ACOXL: variants seen among roughly 807,000 people sequenced by gnomAD.
ACOXL encodes acyl-coenzyme A oxidase-like protein.
Under a neutral mutation model 71.9 loss-of-function variants are expected in ACOXL, and 70 were observed. The ratio of observed to expected loss-of-function variants is 0.97; its 90% CI spans 0.80 to 1.19. The LOEUF is 1.19. Ranked by LOEUF, ACOXL falls within the 50% of genes most tolerant of loss-of-function variation. The pLI is 0.00. For missense variants in ACOXL, 703 were observed against 736.3 expected (o/e 0.95, Z 0.52); for synonymous variants, 253 against 281.6 (o/e 0.90, Z 1.02).
chr2:111,084,975 G>A (rs1261114701), intron 16 of ACOXL, among the ~76,000 whole-genome samples: 3 of 147,588 alleles, frequency 2.0e-5, no homozygotes, highest in African/African-American at 7.4e-5. Flanking sequence ...AAATTTTAAA[G>A]ACAAAGAAGG....
intron 16 of ACOXL, among the ~76,000 whole-genome samples, chr2:111,073,636 C>T (rs2067449948): frequency 6.6e-6 from 1 of 152,158 alleles, no homozygotes; most frequent in Admixed American, 6.5e-5. Flanking sequence ...GTATATTTCT[C>T]AACCACACTA....
Position 110,875,092 on chromosome 2 carries a change from G to A in ACOXL, c.788+33687G>A, listed in dbSNP as rs542382712. 2.4e-4 allele frequency among the ~76,000 whole-genome samples: 36 copies of A among 152,264 alleles called. 1 individual carries two copies. Among genetic ancestry groups the A allele is most frequent in the South Asian group, 1.5e-3 (7 of 4,814 alleles). ...GTAACCTGAAGGCAGCCTCTGAGCC[G>A]GTCCCTTGTCTGCACGCAGGCCAAT... is the stretch of plus-strand genomic sequence containing the variant. On this transcript the variant is annotated intron_variant, in intron 10 of 17. Coordinates refer to ENST00000439055, the MANE Select transcript of ACOXL (RefSeq NM_001142807.4).
At chr2:111,068,823 G>C (rs892873533) in intron 16 of ACOXL, among the ~76,000 whole-genome samples, 1 of 152,074 alleles carries the variant, frequency 6.6e-6, no homozygotes. Flanking sequence ...AGCTCATTCT[G>C]GCCTTTCTTT....
At position 111,092,901 on chromosome 2, in the gene ACOXL, G is replaced by A; in HGVS notation, c.1477G>A (p.Glu493Lys). ...LLYGTKLVFQERAWYLEHKYL... is the reference protein window; with the variant it reads ...LLYGTKLVFQKRAWYLEHKYL... ...GTATGGAACCAAGCTGGTGTTTCAG[G>A]AGCGGGCCTGGTATTTAGAACATAA... The change falls in exon 17 of 18, where the codon GAG becomes AAG. Residue 493 changes from glutamate to lysine, a missense_variant. Coordinates refer to ENST00000439055, the MANE Select transcript of ACOXL (RefSeq NM_001142807.4). The A allele has an allele frequency of 1.2e-6, 2 of 1,613,986 alleles. No homozygotes were observed. The highest frequency in any genetic ancestry group is 1.7e-6 in the Non-Finnish European group (2 of 1,179,996).
chr2:110,767,979 C>CAA (rs1491342557), intron 1 of ACOXL, among the ~76,000 whole-genome samples: 1 of 132,078 alleles, frequency 7.6e-6, no homozygotes, highest in Non-Finnish European at 1.6e-5. Context: ...CACACACACA[C>CAA]AAATTAGCTG....
chr2:110,903,109 C>T (rs1408351397), intron 10 of ACOXL, among the ~76,000 whole-genome samples: 2 of 152,244 alleles, frequency 1.3e-5, no homozygotes, highest in African/African-American at 4.8e-5. Flanking sequence ...AGCCCCAAAG[C>T]TCCTCTCCTT....
intron 10 of ACOXL, among the ~76,000 whole-genome samples, chr2:110,858,486 G>A (rs538029178): frequency 6.6e-6 from 1 of 152,322 alleles, no homozygotes; most frequent in East Asian, 1.9e-4. Flanking sequence ...TAGATTTCTG[G>A]GGTAAGATAA....
chr2:111,033,946 A>T (rs1377276354), intron 15 of ACOXL, among the ~76,000 whole-genome samples: 2 of 152,240 alleles, frequency 1.3e-5, no homozygotes, highest in East Asian at 1.9e-4. Context: ...GGAAGGGGGA[A>T]GTCAAAGAAT....
At chr2:111,116,094 G>T (rs918772463) in intron 17 of ACOXL, among the ~76,000 whole-genome samples, 11 of 152,106 alleles carry the variant, frequency 7.2e-5, no homozygotes, top group Admixed American at 7.2e-4. Context: ...AAATTATCTT[G>T]AATAATCATA....
intron 14 of ACOXL, 121 bp from the exon 15 acceptor site, chr2:111,031,506 C>T (rs551836308): frequency 2.4e-6 from 2 of 823,916 alleles, no homozygotes; most frequent in Non-Finnish European, 4.0e-6. Flanking sequence ...ACAGAAGGTT[C>T]TGCACTGTGT....
chr2:110,879,690 A>G (rs1696377469), intron 10 of ACOXL, among the ~76,000 whole-genome samples: 2 of 152,164 alleles, frequency 1.3e-5, no homozygotes, highest in Admixed American at 1.3e-4. Context: ...TGTGAGGTGC[A>G]TGTCTGGAGC....
chr2:110,909,139 T>A (rs1249155549), intron 11 of ACOXL, among the ~76,000 whole-genome samples: 2 of 152,248 alleles, frequency 1.3e-5, no homozygotes, highest in Non-Finnish European at 1.5e-5. Context: ...TGATTGTCTC[T>A]ATATTCAGAT....
chr2:110,901,642 CCACA>C (rs10537484), intron 10 of ACOXL, among the ~76,000 whole-genome samples: 2,535 of 146,344 alleles, frequency 0.017, 25 homozygotes, highest in African/African-American at 0.023. Flanking sequence ...TATCTCTACG[CCACA>C]CACACACACA....
At chr2:111,112,829 G>A (rs1574801523) in intron 17 of ACOXL, 1 of 152,354 alleles carries the variant, frequency 6.6e-6, no homozygotes, top group Middle Eastern at 3.4e-3. Context: ...CTGCAGAACA[G>A]AGTTGAAGCC....
intron 16 of ACOXL, among the ~76,000 whole-genome samples, chr2:111,078,321 A>G (rs982788948): frequency 1.3e-5 from 2 of 151,988 alleles, no homozygotes; most frequent in Non-Finnish European, 2.9e-5. Flanking sequence ...CTAGAGTGCA[A>G]TGGCGCGATG....
At chr2:110,764,887 C>T (rs1456763431) in intron 1 of ACOXL, among the ~76,000 whole-genome samples, 1 of 152,174 alleles carries the variant, frequency 6.6e-6, no homozygotes, top group Non-Finnish European at 1.5e-5. Flanking sequence ...TCTTTCTTTT[C>T]TGAAAGTTCT....
chr2:111,039,383 T>C (rs1558899570), intron 15 of ACOXL, among the ~76,000 whole-genome samples: 1 of 151,488 alleles, frequency 6.6e-6, no homozygotes, highest in East Asian at 1.9e-4. Context: ...AATGATGGCT[T>C]TTACTCGAAA....
rs559079049 is a variant in ACOXL, at chr2:110,987,241, C to G, written c.1169+24C>G. ...AGGTACGTATTACTCAGGCCATCATCATCTGCCTTCAGTGGGTTATCATGA... is the reference window on the plus strand; with the variant it reads ...AGGTACGTATTACTCAGGCCATCATGATCTGCCTTCAGTGGGTTATCATGA... On this transcript the variant is annotated intron_variant, in intron 13 of 17. Coordinates refer to ENST00000439055, the MANE Select transcript of ACOXL (RefSeq NM_001142807.4). 11 of 1,547,818 alleles carry G rather than the reference C, an allele frequency of 7.1e-6. No homozygotes were observed. In the Admixed American group the frequency reaches 9.7e-5, roughly 14 times the overall value.
At chr2:110,743,773 TGTG>T (rs1325996456) in intron 1 of ACOXL, among the ~76,000 whole-genome samples, 2 of 152,222 alleles carry the variant, frequency 1.3e-5, no homozygotes, top group Admixed American at 6.5e-5. Context: ...TGCCTTCCCT[TGTG>T]GTGCCTTCCG....
Sources: gnomAD v4.1 joint callset for allele counts (sites outside exome capture counted in the v4.1 genomes callset) on GRCh38, gnomAD v4.1.1 for gene constraint, MANE v1.5 for transcripts, NCBI Gene and HGNC (gene_info 2026-07-23, HGNC 2026-07-21) for gene names.